The following UCP1 variants were observed in gnomAD, a reference collection of about 807,000 sequenced individuals.
UCP1 encodes the protein uncoupling protein 1.
UCP1 carries 24 observed loss-of-function variants against 26.2 expected under a neutral mutation model. That is an observed-to-expected ratio of 0.92 (90% CI 0.66 to 1.29). The LOEUF is 1.29. Ranked by LOEUF, UCP1 falls within the 50% of genes most tolerant of loss-of-function variation. The pLI is 0.00. For synonymous variants in UCP1, 164 were observed against 156.8 expected (o/e 1.05, Z -0.34); for missense variants, 402 against 388.7 (o/e 1.03, Z -0.29).
At chr4:140,560,241 C>T (rs1735647697) in intron 5 of UCP1, among the ~76,000 whole-genome samples, 1 of 151,962 alleles carries the variant, frequency 6.6e-6, no homozygotes, top group Non-Finnish European at 1.5e-5. Context: ...GTGATTATAG[C>T]AGGTTATGCT....
Position 140,567,881 on chromosome 4 carries a change from A to T in UCP1, c.223T>A (p.Tyr75Asn). The T allele has an allele frequency of 6.2e-7, 1 of 1,614,206 alleles. No homozygotes were observed. Among genetic ancestry groups the T allele is most frequent in the Non-Finnish European group, 8.5e-7 (1 of 1,180,036 alleles). Reference sequence around the variant, plus strand: ...TGAAGCCCCGCAGGCAGCCCGCTGTAGAGTTTCATCCGCCCTTCTGTTTTT... The same window carrying T: ...TGAAGCCCCGCAGGCAGCCCGCTGTTGAGTTTCATCCGCCCTTCTGTTTTT... The part of the protein sequence containing the change: ...VVKTEGRMKL[Y>N]SGLPAGLQRQ... Residue 75 changes from tyrosine to asparagine, a missense_variant, in exon 2 of 6, where the codon TAC (tyrosine) becomes AAC (asparagine). By Grantham distance (143) the Tyr-to-Asn change is moderately radical. Transcript: ENST00000262999.
At chr4:140,565,777 A>T (rs1004987243) in intron 2 of UCP1, among the ~76,000 whole-genome samples, 1 of 152,126 alleles carries the variant, frequency 6.6e-6, no homozygotes, top group Admixed American at 6.5e-5. Flanking sequence ...TCTTCAGGAA[A>T]ATCTCACGGA....
intron 5 of UCP1, 91 bp downstream of exon 5, chr4:140,562,102 T>A: frequency 6.9e-7 from 1 of 1,446,636 alleles, no homozygotes; most frequent in Non-Finnish European, 9.7e-7. Context: ...TACTAAGGCT[T>A]GTAAGCTAAA....
intron 5 of UCP1, 62 bp downstream of exon 5, chr4:140,562,131 A>G: frequency 1.3e-6 from 2 of 1,585,538 alleles, no homozygotes; most frequent in African/African-American, 1.3e-5. Context: ...GCTTGACATG[A>G]GAGTGTCCCA....
In UCP1 at chr4:140,568,858, C is replaced by A; in HGVS notation, c.-129G>T. On this transcript the variant is annotated 5_prime_UTR_variant, in exon 1 of 6. Coordinates refer to ENST00000262999, the MANE Select transcript of UCP1 (RefSeq NM_021833.5). ...CGATTTCTGTTTTTTGAACCGACCG[C>A]CGGGCAGCGGCGGTGCAGAGGCGGC... 4 of 1,448,554 alleles carry A rather than the reference C, an allele frequency of 2.8e-6. No homozygotes were observed. The highest frequency in any genetic ancestry group is 3.7e-6 in the Non-Finnish European group (4 of 1,076,430). The allele number at this position is 1,448,554 out of a possible 1,614,324, so 89.7% of individuals were successfully genotyped here. A position where few individuals can be genotyped will look rare whatever the true frequency, so the allele number is the denominator to read the frequency against.
intron 1 of UCP1, 131 bp downstream of exon 1, chr4:140,568,473 C>G (rs556504882): frequency 1.0e-5 from 15 of 1,474,850 alleles, no homozygotes; most frequent in East Asian, 4.9e-5. Flanking sequence ...TGGGACAAGG[C>G]CAGACTGCTT....
chr4:140,561,944 G>A (rs1340871850), intron 5 of UCP1, among the ~76,000 whole-genome samples: 1 of 152,098 alleles, frequency 6.6e-6, no homozygotes, highest in East Asian at 1.9e-4. Context: ...AGTAGATTGG[G>A]ACCAGTGGAA....
At position 140,568,855 on chromosome 4, in the gene UCP1, C is replaced by G. The variant is rs889442426; in HGVS notation, c.-126G>C. 3.9e-5 allele frequency: 57 copies of G among 1,458,836 alleles called. No homozygotes were observed. In the African/African-American group the frequency reaches 7.1e-4, roughly 18 times the overall value. The allele number at this position is 1,458,836 out of a possible 1,614,324, so 90.4% of individuals were successfully genotyped here. On this transcript the variant is annotated 5_prime_UTR_variant, in exon 1 of 6. Transcript: ENST00000262999. ...ACCCGATTTCTGTTTTTTGAACCGA[C>G]CGCCGGGCAGCGGCGGTGCAGAGGC... is the stretch of plus-strand genomic sequence containing the variant.
chr4:140,564,718 C>T (rs1261190787), intron 2 of UCP1, among the ~76,000 whole-genome samples: 2 of 152,192 alleles, frequency 1.3e-5, no homozygotes, highest in Admixed American at 1.3e-4. Flanking sequence ...CATATGATTA[C>T]AAATGCCTTC....
At chr4:140,565,668 G>A (rs1358239211) in intron 2 of UCP1, among the ~76,000 whole-genome samples, 1 of 151,980 alleles carries the variant, frequency 6.6e-6, no homozygotes, top group Non-Finnish European at 1.5e-5. Flanking sequence ...TCCTCACTGA[G>A]TCTTTGCACA....
intron 2 of UCP1, among the ~76,000 whole-genome samples, chr4:140,565,289 CCTTA>C (rs1735772311): frequency 1.3e-5 from 2 of 152,078 alleles, no homozygotes; most frequent in Admixed American, 1.3e-4. Context: ...GTCCCTTATG[CCTTA>C]CTTCTATTTG....
At chr4:140,560,957 CATTTA>C (rs1735664973) in intron 5 of UCP1, among the ~76,000 whole-genome samples, 1 of 152,094 alleles carries the variant, frequency 6.6e-6, no homozygotes, top group African/African-American at 2.4e-5. Context: ...CTAGGTACCT[CATTTA>C]AGTGTAATCA....
rs529781757 is a variant in UCP1 at position 140,559,940 on chromosome 4, G to A, written c.880C>T (p.Arg294Ter). ...IMFVCFEQLK[R>*]ELSKSRQTMD... ...GTCTGCCTTGACTTTGACAGTTCTC[G>A]TTTCAGTTGTTCAAAGCACACAAAC... The change falls in exon 6 of 6, where the codon CGA (arginine) becomes TGA (stop). Residue 294 changes from arginine (R) to a stop codon, truncating the protein, a stop_gained. Transcript: ENST00000262999. LOFTEE classifies it high-confidence loss of function. 4.0e-5 allele frequency: 65 copies of A among 1,613,898 alleles called. No homozygotes were observed. The highest frequency in any genetic ancestry group is 2.0e-4 in the South Asian group (18 of 91,080).
chr4:140,560,091 C>T lies in UCP1; in HGVS notation c.810-81G>A, dbSNP rs529744557. 37 of 1,195,798 alleles carry T rather than the reference C, an allele frequency of 3.1e-5. 1 individual carries two copies. The highest frequency in any genetic ancestry group is 2.9e-4 in the Admixed American group (15 of 52,098). The allele number at this position is 1,195,798 out of a possible 1,614,324, so 74.1% of individuals were successfully genotyped here. ...TTTTTGAGATGAGGCTTCACCCTGC[C>T]GCCCAGGCTGGAATGCAGTAGTGTA... On this transcript the variant is annotated intron_variant, in intron 5 of 5. Coordinates refer to ENST00000262999, the MANE Select transcript of UCP1 (RefSeq NM_021833.5).
Position 140,568,853 on chromosome 4 carries a change from G to T in UCP1, c.-124C>A. 3 of 1,462,032 alleles carry T rather than the reference G, an allele frequency of 2.1e-6. No individual in the cohort carries two copies. Among genetic ancestry groups the T allele is most frequent in the Middle Eastern group, 4.3e-4 (2 of 4,662 alleles). 90.6% of individuals were successfully genotyped at this position (1,462,032 alleles called of 1,614,324 possible). On this transcript the variant is annotated 5_prime_UTR_variant, in exon 1 of 6. Coordinates refer to ENST00000262999, the MANE Select transcript of UCP1 (RefSeq NM_021833.5). Reference sequence around the variant, plus strand: ...AAACCCGATTTCTGTTTTTTGAACCGACCGCCGGGCAGCGGCGGTGCAGAG... The same window carrying T: ...AAACCCGATTTCTGTTTTTTGAACCTACCGCCGGGCAGCGGCGGTGCAGAG...
chr4:140,563,074 G>A, intron 4 of UCP1, 36 bp downstream of exon 4: 1 of 1,526,982 alleles, frequency 6.5e-7, no homozygotes, highest in Non-Finnish European at 9.1e-7. Flanking sequence ...ACTTCTAAAG[G>A]TGCAGACCTG....
rs952455469 is a variant in UCP1, at chr4:140,568,676, G to C, written c.54C>G (p.Phe18Leu). The C allele has an allele frequency of 3.1e-6, 5 of 1,609,162 alleles. No individual in the cohort carries two copies. The African/African-American group carries it at 4.0e-5, about 13-fold the overall frequency. Reference protein sequence around the residue: ...DVHPTLGVQLFSAGIAACLAD... With the variant: ...DVHPTLGVQLLSAGIAACLAD... ...CCAAGCACGCCGCTATTCCAGCTGA[G>C]AAGAGCTGGACCCCCAGGGTCGGGT... Residue 18 changes from phenylalanine to leucine, a missense_variant, in exon 1 of 6, where the codon TTC becomes TTG. Coordinates refer to ENST00000262999, the MANE Select transcript of UCP1 (RefSeq NM_021833.5).
chr4:140,567,906 T>C lies in UCP1; in HGVS notation c.198A>G (p.Val66=), dbSNP rs1223392140. 1.2e-6 allele frequency: 2 copies of C among 1,614,202 alleles called. No homozygotes were observed. The highest frequency in any genetic ancestry group is 1.7e-6 in the Non-Finnish European group (2 of 1,180,026). Residue 66 remains valine (V), a synonymous_variant, in exon 2 of 6, where the codon GTA becomes GTG. Transcript: ENST00000262999. The stretch of plus-strand genomic sequence containing the variant: ...AGAGTTTCATCCGCCCTTCTGTTTT[T>C]ACCACAGCGGTGATTGTTCCCAGGA... The part of the protein sequence containing the change: ...KGVLGTITAV[V]KTEGRMKLYS...
chr4:140,562,298 A>G lies in UCP1; in HGVS notation c.704T>C (p.Val235Ala), dbSNP rs748866761. The change falls in exon 5 of 6, where the codon GTA (valine) becomes GCA (alanine). Residue 235 changes from valine to alanine, a missense_variant. Transcript: ENST00000262999. ...CATAMSSPVD[V>A]VKTRFINSPP... The stretch of plus-strand genomic sequence containing the variant: ...AGAATTAATAAATCTGGTTTTTACT[A>G]CATCCACCGGGGAGGACATAGCTGT... 7 of 1,614,140 alleles carry G rather than the reference A, an allele frequency of 4.3e-6. No homozygotes were observed. Among genetic ancestry groups the G allele is most frequent in the Admixed American group, 1.7e-5 (1 of 60,010 alleles).
Sources: gnomAD v4.1 joint callset for allele counts (sites outside exome capture counted in the v4.1 genomes callset) on GRCh38, gnomAD v4.1.1 for gene constraint, MANE v1.5 for transcripts, NCBI Gene and HGNC (gene_info 2026-07-23, HGNC 2026-07-21) for gene names.